The following DLG1 variants were observed in gnomAD, a reference collection of about 807,000 sequenced individuals.
The protein encoded by DLG1 is disks large homolog 1.
Under a neutral mutation model 123.4 loss-of-function variants are expected in DLG1, and 42 were observed. The ratio of observed to expected loss-of-function variants is 0.34; its 90% CI spans 0.27 to 0.44. The LOEUF (loss-of-function observed/expected upper bound fraction) is 0.44. Among genes scored for constraint, DLG1 ranks in the 20% least tolerant of loss-of-function variants. DLG1 has a pLI of 1.00. For synonymous variants in DLG1, 317 were observed against 356.2 expected (o/e 0.89, Z 1.24); for missense variants, 942 against 1,082.6 (o/e 0.87, Z 1.82).
intron 24 of DLG1, 64 bp downstream of exon 24, chr3:197,051,513 T>TC: frequency 7.9e-7 from 1 of 1,261,980 alleles, no homozygotes; most frequent in Non-Finnish European, 1.2e-6. Flanking sequence ...CCTGAACGGG[T>TC]CGGTTCACAT....
rs994269079 is a variant in DLG1 at position 197,065,296 on chromosome 3, C to G, written c.2353G>C (p.Val785Leu). ...CTTACCTTTTCTGCTACTTCTCGTA[C>G]AGACTGAACACTTGTTCCATATAGA... Reference protein sequence around the residue: ...NHLYGTSVQSVREVAEKGKHC... With the variant: ...NHLYGTSVQSLREVAEKGKHC... Residue 785 changes from valine to leucine, a missense_variant, in exon 22 of 25, where the codon GTA becomes CTA. Physicochemically the swap from Val to Leu is conservative, Grantham distance 32. Transcript: ENST00000667157. The G allele has an allele frequency of 6.2e-7, 1 of 1,606,316 alleles. No individual in the cohort carries two copies. The highest frequency in any genetic ancestry group is 1.3e-5 in the African/African-American group (1 of 74,420).
intron 10 of DLG1, among the ~76,000 whole-genome samples, chr3:197,131,624 C>T (rs1384074076): frequency 3.5e-5 from 4 of 113,134 alleles, no homozygotes; most frequent in African/African-American, 6.8e-5. Context: ...GACGGAGTCT[C>T]GCTCTGTCGC....
Position 197,246,249 on chromosome 3 carries a change from CT to C in DLG1, c.318+36429del, listed in dbSNP as rs1231615156. Among the ~76,000 whole-genome samples, 4 of 152,038 alleles carry C rather than the reference CT, an allele frequency of 2.6e-5. No individual in the cohort carries two copies. In the East Asian group the frequency reaches 7.7e-4, roughly 29 times the overall value. ...GGAGCCATCTATGAATAGCTGTTGT[CT>C]TGTTTTGAAAGGGGTCCCTTAAATC... On this transcript the variant is annotated intron_variant, in intron 4 of 24. Transcript: ENST00000667157.
At position 197,158,634 on chromosome 3, in the gene DLG1, C is replaced by CAAAAAAAAAAAAAAA. The variant is rs71623339; in HGVS notation, c.484-8853_484-8839dup. 2.0e-3 allele frequency among the ~76,000 whole-genome samples: 138 copies of CAAAAAAAAAAAAAAA among 67,470 alleles called. 6 individuals carry two copies. Among genetic ancestry groups the CAAAAAAAAAAAAAAA allele is most frequent in the African/African-American group, 2.5e-3 (46 of 18,128 alleles). The allele number at this position is 67,470 out of a possible 152,430, so 44.3% of individuals were successfully genotyped here. Reference sequence around the variant, plus strand: ...GGGTAACAAGAGCAAAACTCCATTTCAAAAAAAAAAAAAAAAAAAAAAAGC... The same window carrying CAAAAAAAAAAAAAAA: ...GGGTAACAAGAGCAAAACTCCATTTCAAAAAAAAAAAAAAAAAAAAAAAAAAAAAAAAAAAAAAGC... On this transcript the variant is annotated intron_variant, in intron 5 of 24. Coordinates refer to ENST00000667157, the MANE Select transcript of DLG1 (RefSeq NM_001366207.1).
At chr3:197,173,969 G>C (rs1210637630) in intron 5 of DLG1, among the ~76,000 whole-genome samples, 2 of 152,198 alleles carry the variant, frequency 1.3e-5, no homozygotes, top group Non-Finnish European at 2.9e-5. Context: ...TGTAATCCCA[G>C]CTACTTAGGA....
At chr3:197,258,854 T>C (rs1016331525) in intron 4 of DLG1, among the ~76,000 whole-genome samples, 4 of 152,216 alleles carry the variant, frequency 2.6e-5, no homozygotes, top group African/African-American at 9.6e-5. Context: ...CAAAAGCAAC[T>C]ACAAACAATG....
At chr3:197,263,573 G>A (rs1216491725) in intron 4 of DLG1, among the ~76,000 whole-genome samples, 2 of 152,064 alleles carry the variant, frequency 1.3e-5, no homozygotes, top group Non-Finnish European at 2.9e-5. Flanking sequence ...AATCACTTGA[G>A]GTCCGGAGTT....
At chr3:197,120,577 T>C (rs1169291221) in intron 11 of DLG1, among the ~76,000 whole-genome samples, 3 of 152,208 alleles carry the variant, frequency 2.0e-5, no homozygotes, top group Admixed American at 2.0e-4. Context: ...TTATCAAGCA[T>C]TAATCTCTTT....
intron 4 of DLG1, among the ~76,000 whole-genome samples, chr3:197,210,639 A>T (rs1578124753): frequency 1.4e-5 from 2 of 143,012 alleles, no homozygotes; most frequent in South Asian, 5.3e-4. Flanking sequence ...ATATATATAT[A>T]AGTCTTTATA....
intron 4 of DLG1, among the ~76,000 whole-genome samples, chr3:197,280,347 GTGT>G (rs1768674964): frequency 1.3e-5 from 2 of 151,444 alleles, no homozygotes; most frequent in African/African-American, 4.9e-5. Flanking sequence ...TTGTGTGTGT[GTGT>G]GTGTGTGTGT....
intron 3 of DLG1, among the ~76,000 whole-genome samples, chr3:197,284,656 C>A (rs1262421154): frequency 1.3e-5 from 2 of 152,080 alleles, no homozygotes; most frequent in Non-Finnish European, 2.9e-5. Flanking sequence ...ATTTACTACC[C>A]TGCGAAAAAT....
At chr3:197,211,686 A>T (rs1193042502) in intron 4 of DLG1, among the ~76,000 whole-genome samples, 1 of 146,598 alleles carries the variant, frequency 6.8e-6, no homozygotes, top group African/African-American at 2.4e-5. Flanking sequence ...CCATTGTAGA[A>T]AGTAGTATGG....
At chr3:197,065,650 A>G in intron 21 of DLG1, 58 bp downstream of exon 21, 1 of 1,287,444 alleles carries the variant, frequency 7.8e-7, no homozygotes, top group Non-Finnish European at 1.1e-6. Context: ...TTTTTCCCAC[A>G]CACAGTGACA....
intron 22 of DLG1, among the ~76,000 whole-genome samples, chr3:197,064,727 C>T (rs1315055324): frequency 2.0e-5 from 3 of 151,748 alleles, no homozygotes; most frequent in South Asian, 2.1e-4. Flanking sequence ...ATGGTGTTTT[C>T]CAATAGTTTT....
At chr3:197,108,624 T>C (rs1311322114) in intron 13 of DLG1, among the ~76,000 whole-genome samples, 1 of 152,170 alleles carries the variant, frequency 6.6e-6, no homozygotes, top group Non-Finnish European at 1.5e-5. Flanking sequence ...CTTTCGCCTT[T>C]AGTAATAATG....
rs185355710 is a variant in DLG1, at chr3:197,055,179, G to A, written c.2484-3511C>T. On this transcript the variant is annotated intron_variant, in intron 23 of 24. Transcript: ENST00000667157. Reference sequence around the variant, plus strand: ...GTTGCCCAGGCTAGTCTTGAACCACGGAGTTCAAGTGATCCTCTCGTCTCA... The same window carrying A: ...GTTGCCCAGGCTAGTCTTGAACCACAGAGTTCAAGTGATCCTCTCGTCTCA... Among the ~76,000 whole-genome samples, 65 of 152,228 alleles carry A rather than the reference G, an allele frequency of 4.3e-4. 1 individual carries two copies. The highest frequency in any genetic ancestry group is 3.3e-3 in the Admixed American group (51 of 15,290).
chr3:197,164,009 A>G (rs1800031282), intron 5 of DLG1, among the ~76,000 whole-genome samples: 1 of 152,154 alleles, frequency 6.6e-6, no homozygotes, highest in Non-Finnish European at 1.5e-5. Context: ...AATGCATGAA[A>G]ACTGGTCCTC....
intron 15 of DLG1, among the ~76,000 whole-genome samples, chr3:197,089,182 T>C (rs1489380325): frequency 6.6e-6 from 1 of 152,224 alleles, no homozygotes; most frequent in African/African-American, 2.4e-5. Context: ...AACTAGGGGC[T>C]GGTGCCGGTG....
Position 197,154,538 on chromosome 3 carries a change from G to A in DLG1, c.484-4742C>T, listed in dbSNP as rs568018366. On this transcript the variant is annotated intron_variant, in intron 5 of 24. Coordinates refer to ENST00000667157, the MANE Select transcript of DLG1 (RefSeq NM_001366207.1). ...AAACTACAAAAAATTAGCCGGGCGT[G>A]GCGGCAGGTGCCTGTAGTCCCAGCT... 2.4e-3 allele frequency among the ~76,000 whole-genome samples: 367 copies of A among 152,088 alleles called. 2 individuals carry two copies. The highest frequency in any genetic ancestry group is 3.7e-3 in the Non-Finnish European group (249 of 67,968).
Sources: gnomAD v4.1 joint callset for allele counts (sites outside exome capture counted in the v4.1 genomes callset) on GRCh38, gnomAD v4.1.1 for gene constraint, MANE v1.5 for transcripts, NCBI Gene and HGNC (gene_info 2026-07-23, HGNC 2026-07-21) for gene names.